The following SNX30 variants were observed in gnomAD, a reference collection of about 807,000 sequenced individuals.
SNX30 encodes sorting nexin-30.
In SNX30, 24 loss-of-function variants were observed where a neutral mutation model predicts 46.4. The observed-to-expected ratio is 0.52, with a 90% CI of 0.37 to 0.73. SNX30 has a LOEUF of 0.73. Among genes scored for constraint, SNX30 ranks in the 30% least tolerant of loss-of-function variants. The pLI, the probability that SNX30 is intolerant of heterozygous loss-of-function variation, is 0.00. For synonymous variants in SNX30, 189 were observed against 211.5 expected (o/e 0.89, Z 0.92); for missense variants, 533 against 555.7 (o/e 0.96, Z 0.41).
intron 7 of SNX30, 120 bp from the exon 8 acceptor site, chr9:112,864,127 G>C (rs1841280618): frequency 9.6e-7 from 1 of 1,043,572 alleles, no homozygotes; most frequent in Non-Finnish European, 1.4e-6. Context: ...AGAGGAGGGA[G>C]CGTGTTGATA....
chr9:112,750,847 G>C lies in SNX30; in HGVS notation c.-155G>C, dbSNP rs1839259006. 1.7e-5 allele frequency: 10 copies of C among 577,010 alleles called. No individual in the cohort carries two copies. The highest frequency in any genetic ancestry group is 2.0e-5 in the African/African-American group (1 of 49,114). 35.7% of individuals were successfully genotyped at this position (577,010 alleles called of 1,614,324 possible). A position where few individuals can be genotyped will look rare whatever the true frequency, so the allele number is the denominator to read the frequency against. On this transcript the variant is annotated 5_prime_UTR_variant, in exon 1 of 9. Coordinates refer to ENST00000374232, the MANE Select transcript of SNX30 (RefSeq NM_001012994.2). ...AGCGGAGCGTCTGAGCGCCGGCAGA[G>C]ACCAGCCGGCGGGTGGCGGCGGCCC... is the stretch of plus-strand genomic sequence containing the variant.
Position 112,804,812 on chromosome 9 carries a change from A to C in SNX30, c.193A>C (p.Thr65Pro), listed in dbSNP as rs1412973010. Residue 65 changes from threonine to proline, a missense_variant, in exon 2 of 9, where the codon ACT (threonine) becomes CCT (proline). Transcript: ENST00000374232. ...GCCCAACGGTGGTACTCCAGCAGGT[A>C]CTTCAAGTCCAGCTTCTTCATCTTC... The part of the protein sequence containing the change: ...ILPNGGTPAG[T>P]SSPASSSSLL... The C allele has an allele frequency of 6.2e-7, 1 of 1,613,400 alleles. No individual in the cohort carries two copies. Among genetic ancestry groups the C allele is most frequent in the Admixed American group, 1.7e-5 (1 of 59,960 alleles).
chr9:112,752,842 G>A (rs1052302265), intron 1 of SNX30, among the ~76,000 whole-genome samples: 1 of 152,174 alleles, frequency 6.6e-6, no homozygotes, highest in Non-Finnish European at 1.5e-5. Context: ...TCAAGTTGTT[G>A]GCTTGGGCTG....
rs767914982 is a variant in SNX30, at chr9:112,817,832, T to C, written c.459+17T>C. 6.6e-7 allele frequency: 1 copy of C among 1,519,582 alleles called. No individual in the cohort carries two copies. Among genetic ancestry groups the C allele is most frequent in the Non-Finnish European group, 9.1e-7 (1 of 1,093,712 alleles). The allele number at this position is 1,519,582 out of a possible 1,614,324, so 94.1% of individuals were successfully genotyped here. ...CTCATTCCCGTAGGTAGTAAGTCAC[T>C]ACAGCTTGTTTCTCACTTGTCCTGT... On this transcript the variant is annotated intron_variant, in intron 3 of 8. Coordinates refer to ENST00000374232, the MANE Select transcript of SNX30 (RefSeq NM_001012994.2).
At chr9:112,867,790 A>G (rs1013106062) in intron 8 of SNX30, among the ~76,000 whole-genome samples, 1 of 133,296 alleles carries the variant, frequency 7.5e-6, no homozygotes, top group African/African-American at 2.9e-5. Flanking sequence ...CCTTCTCAGA[A>G]CCCCTCTCCA....
At chr9:112,836,092 C>A in intron 4 of SNX30, 122 bp from the exon 5 acceptor site, 1 of 949,958 alleles carries the variant, frequency 1.1e-6, no homozygotes, top group Non-Finnish European at 1.6e-6. Context: ...GAGCCTCTAA[C>A]TCAGCTCCTT....
chr9:112,877,889 A>T (rs908632932), downstream of SNX30: 3 of 151,902 alleles, frequency 2.0e-5, no homozygotes, highest in African/African-American at 7.3e-5. Context: ...AGGTAATTTT[A>T]ATTTTTTTTG....
At chr9:112,861,942 T>C (rs1841244027) in intron 7 of SNX30, among the ~76,000 whole-genome samples, 1 of 152,142 alleles carries the variant, frequency 6.6e-6, no homozygotes, top group Admixed American at 6.5e-5. Flanking sequence ...ACACTTACGA[T>C]ATCTTGCCTC....
downstream of SNX30, among the ~76,000 whole-genome samples, chr9:112,876,949 A>T (rs1841525099): frequency 7.2e-6 from 1 of 138,578 alleles, no homozygotes; most frequent in Admixed American, 7.2e-5. Context: ...AAAAAAAAGG[A>T]TGCAGGGAGA....
intron 4 of SNX30, among the ~76,000 whole-genome samples, chr9:112,832,817 AT>A: frequency 1.4e-5 from 2 of 146,454 alleles, no homozygotes; most frequent in Admixed American, 6.9e-5. Flanking sequence ...TATATATTAT[AT>A]ATTAATATAT....
In SNX30 at chr9:112,864,247, G is replaced by A. The variant is rs747832123; in HGVS notation, c.1102G>A (p.Val368Ile). ...ACCCATGTGTGCCTCCCTTTTCCAGGTACCGGCGGACGTCGAGAAATGTCA... is the reference window on the plus strand; with the variant it reads ...ACCCATGTGTGCCTCCCTTTTCCAGATACCGGCGGACGTCGAGAAATGTCA... ...VALRKEDRPK[V>I]PADVEKCQDR... Residue 368 changes from valine to isoleucine, a missense_variant and splice_region_variant, in exon 8 of 9, where the codon GTA (valine) becomes ATA (isoleucine). Val to Ile is a conservative substitution (Grantham distance 29). Around this residue, in one of 3 missense-constraint regions of SNX30, gnomAD observed 261 missense variants for 270.9 expected, o/e 0.96. Coordinates refer to ENST00000374232, the MANE Select transcript of SNX30 (RefSeq NM_001012994.2). 5 of 1,613,760 alleles carry A rather than the reference G, an allele frequency of 3.1e-6. No homozygotes were observed. In the Admixed American group the frequency reaches 6.7e-5, roughly 22 times the overall value.
At chr9:112,848,369 G>A (rs372401874) in intron 6 of SNX30, among the ~76,000 whole-genome samples, 17 of 152,226 alleles carry the variant, frequency 1.1e-4, no homozygotes, top group African/African-American at 2.9e-4. Flanking sequence ...CCAACAGCAT[G>A]CAAAGGTGTC....
At chr9:112,763,132 G>C (rs1404690008) in intron 1 of SNX30, among the ~76,000 whole-genome samples, 2 of 152,114 alleles carry the variant, frequency 1.3e-5, no homozygotes, top group East Asian at 1.9e-4. Flanking sequence ...GGTTGTATGG[G>C]TGGGGCACTG....
At chr9:112,755,801 T>C (rs1177497021) in intron 1 of SNX30, among the ~76,000 whole-genome samples, 1 of 152,060 alleles carries the variant, frequency 6.6e-6, no homozygotes, top group Non-Finnish European at 1.5e-5. Context: ...TGCTTTCTTC[T>C]GTGTCAGCCT....
chr9:112,838,319 G>A (rs10981519), intron 5 of SNX30, among the ~76,000 whole-genome samples, 179 bp from the exon 6 acceptor site: 1 of 152,136 alleles, frequency 6.6e-6, no homozygotes, highest in African/African-American at 2.4e-5. Flanking sequence ...GCTGTCAGAG[G>A]TTTTTAAGCA....
intron 1 of SNX30, among the ~76,000 whole-genome samples, chr9:112,752,396 G>A (rs1309568520): frequency 1.3e-5 from 2 of 152,136 alleles, no homozygotes; most frequent in South Asian, 4.1e-4. Flanking sequence ...TGGGATGATT[G>A]CTCTGAACCA....
intron 1 of SNX30, among the ~76,000 whole-genome samples, chr9:112,768,650 T>TTCTTCTTCTTC (rs1564262045): frequency 1.2e-4 from 1 of 8,560 alleles, no homozygotes; most frequent in African/African-American, 4.4e-4. Flanking sequence ...CTTTCTTCTT[T>TTCTTCTTCTTC]TTTTTTTTTT....
chr9:112,821,022 A>AT (rs1286529366), intron 3 of SNX30, among the ~76,000 whole-genome samples: 1 of 151,980 alleles, frequency 6.6e-6, no homozygotes, highest in Admixed American at 6.6e-5. Flanking sequence ...ACATGTTCCC[A>AT]TTTTGGGGGG....
chr9:112,783,550 CT>C (rs1464742661), intron 1 of SNX30, among the ~76,000 whole-genome samples: 1 of 152,186 alleles, frequency 6.6e-6, no homozygotes, highest in Non-Finnish European at 1.5e-5. Flanking sequence ...AGCCCCAAGA[CT>C]TTGCTTTCTA....
Sources: gnomAD v4.1 joint callset for allele counts (sites outside exome capture counted in the v4.1 genomes callset) on GRCh38, gnomAD v4.1.1 for gene constraint, gnomAD v4.1.1 regional missense constraint, MANE v1.5 for transcripts, NCBI Gene and HGNC (gene_info 2026-07-23, HGNC 2026-07-21) for gene names.